PDK2: variants seen among roughly 807,000 people sequenced by gnomAD.
The protein encoded by PDK2 is pyruvate dehydrogenase kinase 2.
Under a neutral mutation model 50.4 loss-of-function variants are expected in PDK2, and 34 were observed. That is an observed-to-expected ratio of 0.68 (90% confidence interval 0.51 to 0.90). PDK2 has a LOEUF of 0.90. Ranked by LOEUF, PDK2 falls within the 40% of genes least tolerant of loss-of-function variation. The probability of loss-of-function intolerance (pLI) is 0.00; values close to 1 mark genes in which losing one functional copy is unlikely to be tolerated. For missense variants in PDK2, 377 were observed against 544.5 expected (o/e 0.69, Z 3.06); for synonymous variants, 232 against 216.0 (o/e 1.07, Z -0.65).
intron 2 of PDK2, among the ~76,000 whole-genome samples, chr17:50,098,260 C>T (rs1413978477): frequency 6.6e-6 from 1 of 152,144 alleles, no homozygotes; most frequent in African/African-American, 2.4e-5. Flanking sequence ...TTGGTGGCAC[C>T]CTTGCAGAAA....
chr17:50,108,080 T>A, intron 6 of PDK2, 76 bp from the exon 7 acceptor site: 1 of 1,189,762 alleles, frequency 8.4e-7, no homozygotes, highest in Non-Finnish European at 1.2e-6. Flanking sequence ...TGGGAGGGGG[T>A]GCCTCCTTTG....
chr17:50,109,717 C>T lies in PDK2; in HGVS notation c.1084-240C>T, dbSNP rs1034526257. On this transcript the variant is annotated intron_variant, in intron 10 of 10. Coordinates refer to ENST00000503176, the MANE Select transcript of PDK2 (RefSeq NM_002611.5). This position sits in a 1 kb window ranked among gnomAD's most constrained non-coding sequence, Gnocchi z 5.0. ...CAGTTCAGAGGAGAAGACTGAGGCC[C>T]GGAGTCCGTGACTTGCTCAGGGTCA... is the stretch of plus-strand genomic sequence containing the variant. Among the ~76,000 whole-genome samples, 10 of 152,144 alleles carry T rather than the reference C, an allele frequency of 6.6e-5. No individual in the cohort carries two copies. The highest frequency in any genetic ancestry group is 1.4e-4 in the African/African-American group (6 of 41,432).
chr17:50,097,328 C>A, intron 1 of PDK2, 95 bp from the exon 2 acceptor site: 1 of 1,311,854 alleles, frequency 7.6e-7, no homozygotes, highest in Non-Finnish European at 1.1e-6. Flanking sequence ...GCTCTCTGAG[C>A]CCCCTGTTAA....
In PDK2 at chr17:50,096,320, G is replaced by A. The variant is rs796225203; in HGVS notation, c.118+767G>A. On this transcript the variant is annotated intron_variant, in intron 1 of 10. Transcript: ENST00000503176. ...CGCCCACTACCAGCAACCTGGGGGT[G>A]GCCCTGGGGCAGGAGGGAGGCTGTG... The A allele has an allele frequency of 1.2e-5, 12 of 985,098 alleles. No individual in the cohort carries two copies. In the African/African-American group the frequency reaches 1.9e-4, roughly 16 times the overall value. 61.0% of individuals were successfully genotyped at this position (985,098 alleles called of 1,614,324 possible).
chr17:50,099,559 C>T (rs906443769), intron 2 of PDK2, among the ~76,000 whole-genome samples: 2 of 151,880 alleles, frequency 1.3e-5, no homozygotes, highest in African/African-American at 2.4e-5. Flanking sequence ...TTTGGGAGGC[C>T]GAGGCGGGCG....
chr17:50,102,940 A>G (rs1910312467), intron 2 of PDK2, among the ~76,000 whole-genome samples: 1 of 152,170 alleles, frequency 6.6e-6, no homozygotes, highest in South Asian at 2.1e-4. Context: ...TTGAATCCCA[A>G]CCTGCTGCTT....
chr17:50,109,228 C>A lies in PDK2; in HGVS notation c.970-59C>A. ...CCTTCCCTCCCTGCATCAGTCCCTG[C>A]AGCTCCAGGAGGCCCCTGCCAGCCT... On this transcript the variant is annotated intron_variant, in intron 9 of 10. Coordinates refer to ENST00000503176, the MANE Select transcript of PDK2 (RefSeq NM_002611.5). This position sits in a 1 kb window ranked among gnomAD's most constrained non-coding sequence, Gnocchi z 5.0. 1.9e-6 allele frequency: 2 copies of A among 1,065,120 alleles called. No homozygotes were observed. Among genetic ancestry groups the A allele is most frequent in the Non-Finnish European group, 2.9e-6 (2 of 699,932 alleles). The allele number at this position is 1,065,120 out of a possible 1,614,324, so 66.0% of individuals were successfully genotyped here.
chr17:50,110,260 C>G lies in PDK2; in HGVS notation c.*163C>G. The G allele has an allele frequency of 1.5e-6, 1 of 686,678 alleles. No individual in the cohort carries two copies. The highest frequency in any genetic ancestry group is 1.8e-5 in the African/African-American group (1 of 55,220). 42.5% of individuals were successfully genotyped at this position (686,678 alleles called of 1,614,324 possible). A position where few individuals can be genotyped will look rare whatever the true frequency, so the allele number is the denominator to read the frequency against. On this transcript the variant is annotated 3_prime_UTR_variant, in exon 11 of 11. Transcript: ENST00000503176. ...TGCGGTGATAGGTCTGTGATGGTCC[C>G]TAAGTGCCAGTCCATCTCTGTGGAG...
At chr17:50,097,345 G>T (rs1218640860) in intron 1 of PDK2, 78 bp from the exon 2 acceptor site, 5 of 1,489,530 alleles carry the variant, frequency 3.4e-6, no homozygotes, top group Non-Finnish European at 4.6e-6. Flanking sequence ...TTAATGAAGG[G>T]TTTAGCTGAC....
At chr17:50,097,370 C>G (rs1222119208) in intron 1 of PDK2, 53 bp from the exon 2 acceptor site, 20 of 1,596,062 alleles carry the variant, frequency 1.3e-5, no homozygotes, top group Admixed American at 1.7e-5. Flanking sequence ...CCGAGACATC[C>G]TTTGGCTTTC....
At chr17:50,097,914 CA>C (rs1315816979) in intron 2 of PDK2, 1 of 221,834 alleles carries the variant, frequency 4.5e-6, no homozygotes, top group East Asian at 9.9e-5. Context: ...AACTGTTAGG[CA>C]GTATTTATTT....
At position 50,109,175 on chromosome 17, in the gene PDK2, C is replaced by T; in HGVS notation, c.970-112C>T. The T allele has an allele frequency of 3.1e-6, 2 of 635,040 alleles. No homozygotes were observed. The highest frequency in any genetic ancestry group is 1.9e-5 in the South Asian group (1 of 52,930). 39.3% of individuals were successfully genotyped at this position (635,040 alleles called of 1,614,324 possible). On this transcript the variant is annotated intron_variant, in intron 9 of 10. Transcript: ENST00000503176. This position sits in a 1 kb window ranked among gnomAD's most constrained non-coding sequence, Gnocchi z 5.0. ...CACATGTCCCCTCCCAGCTCTGGGA[C>T]CCCTGCCATGTGACCCCAGCTCCAC...
intron 2 of PDK2, 58 bp from the exon 3 acceptor site, chr17:50,105,313 G>GT: frequency 2.3e-6 from 3 of 1,319,014 alleles, no homozygotes; most frequent in Admixed American, 2.2e-5. Flanking sequence ...GAATGAAGTG[G>GT]GTGAGGAGGG....
At chr17:50,108,008 C>A in intron 6 of PDK2, 148 bp from the exon 7 acceptor site, 2 of 668,866 alleles carry the variant, frequency 3.0e-6, no homozygotes, top group Non-Finnish European at 5.4e-6. Context: ...CACCAGCTAC[C>A]CCAGCTCAAG....
chr17:50,105,529 G>A (rs1200656584), intron 3 of PDK2, 87 bp downstream of exon 3: 14 of 1,125,644 alleles, frequency 1.2e-5, no homozygotes, highest in African/African-American at 3.1e-5. Flanking sequence ...AGTACAGCAG[G>A]ATGGAAGAAA....
intron 6 of PDK2, 38 bp from the exon 7 acceptor site, chr17:50,108,118 G>C: frequency 6.4e-7 from 1 of 1,550,550 alleles, no homozygotes; most frequent in South Asian, 1.2e-5. Context: ...GTGACCTCCT[G>C]ACGGTTTCCT....
rs750967250 is a variant in PDK2 at position 50,106,078 on chromosome 17, C to T, written c.517+9C>T. Reference sequence around the variant, plus strand: ...GCTCATCAACCAGCACAGTGGGTGCCGGCCACAGCGGCGGGGAGCGGGCGG... The same window carrying T: ...GCTCATCAACCAGCACAGTGGGTGCTGGCCACAGCGGCGGGGAGCGGGCGG... On this transcript the variant is annotated intron_variant, in intron 4 of 10. Coordinates refer to ENST00000503176, the MANE Select transcript of PDK2 (RefSeq NM_002611.5). 1.2e-4 allele frequency: 195 copies of T among 1,589,628 alleles called. 1 individual carries two copies. The East Asian group carries it at 3.8e-3, about 31-fold the overall frequency.
At position 50,107,164 on chromosome 17, in the gene PDK2, G is replaced by A. The variant is rs376436345; in HGVS notation, c.685+11G>A. 1.7e-5 allele frequency: 28 copies of A among 1,612,124 alleles called. No individual in the cohort carries two copies. The highest frequency in any genetic ancestry group is 4.5e-5 in the East Asian group (2 of 44,872). On this transcript the variant is annotated intron_variant, in intron 6 of 10. Transcript: ENST00000503176. The stretch of plus-strand genomic sequence containing the variant: ...TCCAGGAGATCAATGGTGAGTGAGC[G>A]GGGCTGTGTATGTGTCTGTCTTGGG...
At chr17:50,106,581 G>A in intron 4 of PDK2, 1 of 591,028 alleles carries the variant, frequency 1.7e-6, no homozygotes, top group South Asian at 2.1e-5. Flanking sequence ...GTCTGTTTCA[G>A]GTTTGCAAAG....
Sources: gnomAD v4.1 joint callset for allele counts (sites outside exome capture counted in the v4.1 genomes callset) on GRCh38, gnomAD v4.1.1 for gene constraint, Gnocchi (gnomAD v3.1) non-coding constraint, MANE v1.5 for transcripts, NCBI Gene and HGNC (gene_info 2026-07-23, HGNC 2026-07-21) for gene names.